The following CRBN variants were observed in gnomAD, a reference collection of about 807,000 sequenced individuals.
CRBN encodes the protein cereblon.
In CRBN, 53 loss-of-function variants were observed where a neutral mutation model predicts 62.2. That is an observed-to-expected ratio of 0.85 (90% CI 0.68 to 1.07). The LOEUF is 1.07. CRBN is among the 50% of genes least tolerant of loss of function. CRBN has a pLI of 0.00. For synonymous variants in CRBN, 208 were observed against 176.1 expected (o/e 1.18, Z -1.43); for missense variants, 616 against 531.1 (o/e 1.16, Z -1.57).
At chr3:3,167,423 C>T in intron 5 of CRBN, 1 of 535,508 alleles carries the variant, frequency 1.9e-6, no homozygotes, top group Admixed American at 3.3e-5. Context: ...AACAAGGATA[C>T]CTTACAGCTG....
intron 3 of CRBN, among the ~76,000 whole-genome samples, chr3:3,173,127 G>T (rs569501923): frequency 6.6e-6 from 1 of 152,098 alleles, no homozygotes; most frequent in East Asian, 1.9e-4. Flanking sequence ...GCATGAGCTC[G>T]GCTTGCTGCA....
rs1706407448 is a variant in CRBN at position 3,150,140 on chromosome 3, T to G, written c.*725A>C. 1.3e-5 allele frequency: 2 copies of G among 152,172 alleles called. No homozygotes were observed. The highest frequency in any genetic ancestry group is 1.9e-4 in the East Asian group (1 of 5,198). The allele number at this position is 152,172 out of a possible 1,614,324, so 9.4% of individuals were successfully genotyped here. On this transcript the variant is annotated 3_prime_UTR_variant, in exon 11 of 11. Coordinates refer to ENST00000231948, the MANE Select transcript of CRBN (RefSeq NM_016302.4). ...GCATCTTTTCCCTATAGTAGTAGTT[T>G]TGGTTCAAATTAATTTTTGAAAAAT...
At position 3,152,516 on chromosome 3, in the gene CRBN, T is replaced by A; in HGVS notation, c.1088A>T (p.Tyr363Phe). 1 of 1,614,074 alleles carries A rather than the reference T, an allele frequency of 6.2e-7. No homozygotes were observed. The highest frequency in any genetic ancestry group is 8.5e-7 in the Non-Finnish European group (1 of 1,179,982). The change falls in exon 10 of 11, where the codon TAT (tyrosine) becomes TTT (phenylalanine). Residue 363 changes from tyrosine to phenylalanine, a missense_variant. Tyr to Phe is a conservative substitution (Grantham distance 22). Coordinates refer to ENST00000231948, the MANE Select transcript of CRBN (RefSeq NM_016302.4). ...HGYVHETLTV[Y>F]KACNLNLIGR... Reference sequence around the variant, plus strand: ...TATCAGATTCAAGTTGCAAGCCTTATACACAGTAAGTGTCTCATGCACATA... The same window carrying A: ...TATCAGATTCAAGTTGCAAGCCTTAAACACAGTAAGTGTCTCATGCACATA...
chr3:3,150,205 G>C lies in CRBN; in HGVS notation c.*660C>G, dbSNP rs914238846. On this transcript the variant is annotated 3_prime_UTR_variant, in exon 11 of 11. Transcript: ENST00000231948. ...ACAGTATAAATGGGCTTATAGTTCA[G>C]ATACTGAGCAAATACACAATACTAC... 4 of 152,246 alleles carry C rather than the reference G, an allele frequency of 2.6e-5. No homozygotes were observed. The highest frequency in any genetic ancestry group is 5.9e-5 in the Non-Finnish European group (4 of 68,170). 9.4% of individuals were successfully genotyped at this position (152,246 alleles called of 1,614,324 possible). A position where few individuals can be genotyped will look rare whatever the true frequency, so the allele number is the denominator to read the frequency against.
intron 7 of CRBN, chr3:3,154,455 A>G (rs927823492): frequency 2.1e-6 from 1 of 480,696 alleles, no homozygotes; most frequent in Non-Finnish European, 3.7e-6. Context: ...AGAACAGGGA[A>G]AGGAGTCCTT....
At chr3:3,160,717 T>C (rs1707105511) in intron 5 of CRBN, among the ~76,000 whole-genome samples, 1 of 152,208 alleles carries the variant, frequency 6.6e-6, no homozygotes, top group African/African-American at 2.4e-5. Context: ...CTGAAAAGCT[T>C]GACAAAAAAG....
intron 5 of CRBN, among the ~76,000 whole-genome samples, chr3:3,158,281 G>A (rs755988543): frequency 1.3e-5 from 2 of 152,174 alleles, no homozygotes; most frequent in African/African-American, 2.4e-5. Context: ...TCTGATAAGA[G>A]GTGGCGCTCA....
At chr3:3,155,420 T>A (rs1706843054) in intron 6 of CRBN, 1 of 154,376 alleles carries the variant, frequency 6.5e-6, no homozygotes, top group South Asian at 2.0e-4. Context: ...ATTTATTGAA[T>A]GCCCGCTATG....
intron 5 of CRBN, among the ~76,000 whole-genome samples, chr3:3,161,281 C>T (rs1707129741): frequency 6.6e-6 from 1 of 152,154 alleles, no homozygotes; most frequent in African/African-American, 2.4e-5. Flanking sequence ...AAACACTTTA[C>T]AGAAAGGAAA....
In CRBN at chr3:3,174,047, C is replaced by G. The variant is rs545093358; in HGVS notation, c.377+12G>C. ...AGGGAATGTATTAAGCAAATGGACTCTAATATTTTACCTGTATGCAAGAAC... is the reference window on the plus strand; with the variant it reads ...AGGGAATGTATTAAGCAAATGGACTGTAATATTTTACCTGTATGCAAGAAC... On this transcript the variant is annotated intron_variant, in intron 3 of 10. Transcript: ENST00000231948. 4 of 1,608,808 alleles carry G rather than the reference C, an allele frequency of 2.5e-6. No homozygotes were observed. The African/African-American group carries it at 4.0e-5, about 16-fold the overall frequency.
In CRBN at chr3:3,167,615, T is replaced by C; in HGVS notation, c.687+19A>G. 1.2e-6 allele frequency: 2 copies of C among 1,609,572 alleles called. No homozygotes were observed. Among genetic ancestry groups the C allele is most frequent in the Non-Finnish European group, 1.7e-6 (2 of 1,176,674 alleles). On this transcript the variant is annotated intron_variant, in intron 5 of 10. Transcript: ENST00000231948. ...CCTGTCTTCATTTTTTGAAGATGCATAAAAAATTAGTTTCTCACCTTCTGG... is the reference window on the plus strand; with the variant it reads ...CCTGTCTTCATTTTTTGAAGATGCACAAAAAATTAGTTTCTCACCTTCTGG...
intron 4 of CRBN, among the ~76,000 whole-genome samples, chr3:3,171,475 T>C (rs762596940): frequency 6.6e-6 from 1 of 151,942 alleles, no homozygotes; most frequent in Non-Finnish European, 1.5e-5. Flanking sequence ...GTCTTGGTCA[T>C]TGTTCTCAAG....
At chr3:3,163,065 C>A (rs1237099520) in intron 5 of CRBN, among the ~76,000 whole-genome samples, 1 of 152,178 alleles carries the variant, frequency 6.6e-6, no homozygotes, top group Non-Finnish European at 1.5e-5. Context: ...CTTTTTGATG[C>A]ACACAGAATG....
At chr3:3,154,481 T>C (rs1706793113) in intron 7 of CRBN, 2 of 508,216 alleles carry the variant, frequency 3.9e-6, no homozygotes, top group African/African-American at 1.9e-5. Context: ...GGAAGTGTTT[T>C]TGGATGACAG....
intron 3 of CRBN, among the ~76,000 whole-genome samples, chr3:3,173,223 A>T (rs578204315): frequency 6.6e-6 from 1 of 151,938 alleles, no homozygotes; most frequent in South Asian, 2.1e-4. Context: ...ACGCCTGGCT[A>T]ATTTTTGTAT....
intron 3 of CRBN, 98 bp from the exon 4 acceptor site, chr3:3,173,023 A>T: frequency 3.4e-6 from 3 of 881,658 alleles, no homozygotes; most frequent in Non-Finnish European, 5.8e-6. Flanking sequence ...CAATTTATAG[A>T]ATCAACCCTT....
chr3:3,177,610 T>C (rs1050501190), intron 1 of CRBN, among the ~76,000 whole-genome samples: 8 of 152,242 alleles, frequency 5.3e-5, no homozygotes, highest in African/African-American at 1.7e-4. Context: ...ACCCACTTTA[T>C]TGCTCTACTA....
intron 4 of CRBN, chr3:3,172,338 C>T (rs1278668715): frequency 5.8e-6 from 1 of 172,458 alleles, no homozygotes; most frequent in Non-Finnish European, 1.3e-5. Context: ...AGCAATGCTA[C>T]AAAAACCACA....
chr3:3,158,273 TGATAA>T (rs1706990006), intron 5 of CRBN, among the ~76,000 whole-genome samples: 2 of 152,210 alleles, frequency 1.3e-5, no homozygotes, highest in African/African-American at 4.8e-5. Context: ...GCCACTGATC[TGATAA>T]GAGGTGGCGC....
Sources: allele counts gnomAD v4.1 joint callset (sites outside exome capture counted in the v4.1 genomes callset), GRCh38; gene constraint gnomAD v4.1.1; transcripts MANE v1.5; gene names NCBI Gene and HGNC (gene_info 2026-07-23, HGNC 2026-07-21).